The following CEACAM4 variants were observed in gnomAD, a reference collection of about 807,000 sequenced individuals.
The protein encoded by CEACAM4 is cell adhesion molecule CEACAM4.
CEACAM4 carries 30 observed loss-of-function variants against 28.7 expected under a neutral mutation model. That is an observed-to-expected ratio of 1.05 (90% CI 0.78 to 1.42). CEACAM4 has a LOEUF of 1.42. Ranked by LOEUF, CEACAM4 falls within the 40% of genes most tolerant of loss-of-function variation. The pLI is 0.00. For synonymous variants in CEACAM4, 143 were observed against 126.5 expected, an observed-to-expected ratio of 1.13 and a Z score of -0.87; for missense variants, 330 against 308.2, an observed-to-expected ratio of 1.07 and a Z score of -0.53.
In CEACAM4 at chr19:41,625,647, A is replaced by G; in HGVS notation, c.378T>C (p.Asn126=). The G allele has an allele frequency of 6.2e-7, 1 of 1,601,402 alleles. No homozygotes were observed. The highest frequency in any genetic ancestry group is 8.5e-7 in the Non-Finnish European group (1 of 1,172,538). ...DAGSYTLRTI[N]ASYDSDQATG... is the part of the protein sequence containing the mutation. Reference sequence around the variant, plus strand: ...TTGCTTGGTCAGAGTCGTAACTGGCATTTATGGTTCGTAGGGTGTAGGATC... The same window carrying G: ...TTGCTTGGTCAGAGTCGTAACTGGCGTTTATGGTTCGTAGGGTGTAGGATC... Residue 126 remains asparagine, a synonymous_variant, in exon 2 of 7, where the codon AAT becomes AAC. Transcript: ENST00000221954.
rs1040897116 is a variant in CEACAM4, at chr19:41,625,741, T to C, written c.284A>G (p.Tyr95Cys). Reference protein sequence around the residue: ...DIQANIPGAAYSGRETVYPNG... With the variant: ...DIQANIPGAACSGRETVYPNG... ...GGGGTATACTGTCTCTCGACCACTGTATGCGGCCCCTGGGATATTTGCTTG... is the reference window on the plus strand; with the variant it reads ...GGGGTATACTGTCTCTCGACCACTGCATGCGGCCCCTGGGATATTTGCTTG... The change falls in exon 2 of 7, where the codon TAC becomes TGC. Residue 95 changes from tyrosine to cysteine, a missense_variant. Tyr to Cys is a radical substitution (Grantham distance 194, BLOSUM62 -2). Transcript: ENST00000221954. 6.2e-7 allele frequency: 1 copy of C among 1,613,922 alleles called. No homozygotes were observed. Among genetic ancestry groups the C allele is most frequent in the Non-Finnish European group, 8.5e-7 (1 of 1,179,990 alleles).
At chr19:41,623,501 G>A (rs2071447309) in intron 2 of CEACAM4, among the ~76,000 whole-genome samples, 1 of 147,598 alleles carries the variant, frequency 6.8e-6, no homozygotes, top group African/African-American at 2.5e-5. Context: ...CTGGGCAACA[G>A]GAACTTGGGT....
chr19:41,619,468 G>C (rs2071117352), intron 6 of CEACAM4, 73 bp from the exon 7 acceptor site: 4 of 1,595,118 alleles, frequency 2.5e-6, no homozygotes, highest in Non-Finnish European at 3.4e-6. Context: ...CCAGGCTCTG[G>C]GCCCACCCAG....
intron 2 of CEACAM4, 37 bp downstream of exon 2, chr19:41,625,564 G>A (rs1250953375): frequency 6.5e-7 from 1 of 1,544,162 alleles, no homozygotes. Context: ...AAGCAGAACT[G>A]ACCGCCAGCA....
In CEACAM4 at chr19:41,621,846, G is replaced by A. The variant is rs118113337; in HGVS notation, c.425-78C>T. 3,056 of 803,466 alleles carry A rather than the reference G, an allele frequency of 3.8e-3. 35 individuals carry two copies. Among genetic ancestry groups the A allele is most frequent in the South Asian group, 0.021 (1,347 of 65,036 alleles). The allele number at this position is 803,466 out of a possible 1,614,324, so 49.8% of individuals were successfully genotyped here. A position where few individuals can be genotyped will look rare whatever the true frequency, so the allele number is the denominator to read the frequency against. On this transcript the variant is annotated intron_variant, in intron 2 of 6. Coordinates refer to ENST00000221954, the MANE Select transcript of CEACAM4 (RefSeq NM_001817.4). ...ACCATAAGAGGCATTGCAGGGCAGG[G>A]GCATAGTCAGGGAGGAAGGAAATGC...
chr19:41,618,132 C>G (rs1183979333), downstream of CEACAM4, among the ~76,000 whole-genome samples: 1 of 146,454 alleles, frequency 6.8e-6, no homozygotes, highest in Non-Finnish European at 1.5e-5. Context: ...CAGGGGCCCT[C>G]AGGGAAGGGC....
intron 5 of CEACAM4, 32 bp downstream of exon 5, chr19:41,620,179 G>T: frequency 6.7e-7 from 1 of 1,494,574 alleles, no homozygotes; most frequent in Non-Finnish European, 8.9e-7. Flanking sequence ...TGGGACCCCA[G>T]TAGAAAAGGG....
rs370004890 is a variant in CEACAM4 at position 41,626,248 on chromosome 19, A to G, written c.65-288T>C. Among the ~76,000 whole-genome samples, 42 of 152,098 alleles carry G rather than the reference A, an allele frequency of 2.8e-4. 1 individual carries two copies. The highest frequency in any genetic ancestry group is 9.6e-4 in the African/African-American group (40 of 41,472). ...CCCACTGCCCTCAGATCCTGCTCAC[A>G]TCAGGGTGTTTTTGGGAGACCCCTC... On this transcript the variant is annotated intron_variant, in intron 1 of 6. Transcript: ENST00000221954.
chr19:41,626,180 C>T (rs1568662641), intron 1 of CEACAM4, among the ~76,000 whole-genome samples: 1 of 151,022 alleles, frequency 6.6e-6, no homozygotes, highest in Non-Finnish European at 1.5e-5. Flanking sequence ...CTTGGCATTT[C>T]CCTGGTGGAA....
chr19:41,625,836 T>G lies in CEACAM4; in HGVS notation c.189A>C (p.Gln63His). 1 of 1,613,994 alleles carries G rather than the reference T, an allele frequency of 6.2e-7. No homozygotes were observed. Among genetic ancestry groups the G allele is most frequent in the Non-Finnish European group, 8.5e-7 (1 of 1,179,988 alleles). Residue 63 changes from glutamine (Q) to histidine (H), a missense_variant, in exon 2 of 7, where the codon CAA becomes CAC. Gln to His is a conservative substitution (Grantham distance 24). Transcript: ENST00000221954. Reference protein sequence around the residue: ...LLACNISETIQAYYWHKGKTA... With the variant: ...LLACNISETIHAYYWHKGKTA... ...TTTTCCCCTTGTGCCAATAATAGGC[T>G]TGAATAGTTTCTGAAATATTGCAGG...
chr19:41,620,239 T>C lies in CEACAM4; in HGVS notation c.599A>G (p.His200Arg), dbSNP rs1555800638. The change falls in exon 5 of 7, where the codon CAT (histidine) becomes CGT (arginine). Residue 200 changes from histidine to arginine, a missense_variant. His to Arg is a conservative substitution (Grantham distance 29). Transcript: ENST00000221954. The part of the protein sequence containing the change: ...EQPPPASTPG[H>R]GPSHRSTFSA... ...GAAGGTGGATCTGTGAGAGGGACCA[T>C]GGCCTGGGGACAGAGACAGGAGTGA... 6.8e-7 allele frequency: 1 copy of C among 1,474,772 alleles called. No individual in the cohort carries two copies. Among genetic ancestry groups the C allele is most frequent in the Admixed American group, 2.8e-5 (1 of 35,862 alleles). The allele number at this position is 1,474,772 out of a possible 1,614,324, so 91.4% of individuals were successfully genotyped here.
intron 2 of CEACAM4, among the ~76,000 whole-genome samples, chr19:41,625,086 T>C (rs2071549888): frequency 6.6e-6 from 1 of 152,192 alleles, no homozygotes; most frequent in Admixed American, 6.5e-5. Flanking sequence ...TGTCCTTGTC[T>C]AGATGAGACT....
intron 2 of CEACAM4, 54 bp from the exon 3 acceptor site, chr19:41,621,822 C>G: frequency 9.5e-7 from 1 of 1,047,968 alleles, no homozygotes; most frequent in Non-Finnish European, 1.5e-6. Context: ...CCAAGGGAAA[C>G]CATAAGAGGC....
At chr19:41,618,591 A>G (rs2071056279), downstream of CEACAM4, among the ~76,000 whole-genome samples, 2 of 152,152 alleles carry the variant, frequency 1.3e-5, no homozygotes, top group South Asian at 4.1e-4. Flanking sequence ...GCCTGGGTGA[A>G]GAGGGCAGCA....
At chr19:41,614,844 G>T (rs1452660798), downstream of CEACAM4, among the ~76,000 whole-genome samples, 1 of 151,730 alleles carries the variant, frequency 6.6e-6, no homozygotes, top group Admixed American at 6.6e-5. Context: ...GGAGCAGGAG[G>T]CTGATGACTT....
At chr19:41,620,357 AG>A in intron 4 of CEACAM4, 115 bp from the exon 5 acceptor site, 1 of 1,049,302 alleles carries the variant, frequency 9.5e-7, no homozygotes, top group Non-Finnish European at 1.3e-6. Context: ...GCCTCTTCCC[AG>A]GGGAGACCTG....
chr19:41,620,066 G>T, intron 5 of CEACAM4, 145 bp downstream of exon 5: 2 of 751,336 alleles, frequency 2.7e-6, no homozygotes, highest in Non-Finnish European at 4.1e-6. Context: ...GAGAGGCCCG[G>T]ATCCTGGCCG....
chr19:41,623,366 A>T (rs911255835), intron 2 of CEACAM4, among the ~76,000 whole-genome samples: 1 of 148,972 alleles, frequency 6.7e-6, no homozygotes, highest in African/African-American at 2.5e-5. Context: ...TCCCTGCCAC[A>T]TCCCTGCCAC....
chr19:41,618,996 T>C, downstream of CEACAM4: 1 of 330,006 alleles, frequency 3.0e-6, no homozygotes. Flanking sequence ...TAAGTTCCCG[T>C]GAGCAGAAAA....
Sources: allele counts gnomAD v4.1 joint callset (sites outside exome capture counted in the v4.1 genomes callset), GRCh38; gene constraint gnomAD v4.1.1; transcripts MANE v1.5; gene names NCBI Gene and HGNC (gene_info 2026-07-23, HGNC 2026-07-21).